The following CDC25A variants were observed in gnomAD, a reference collection of about 807,000 sequenced individuals.
The protein encoded by CDC25A is M-phase inducer phosphatase 1.
CDC25A carries 17 observed loss-of-function variants against 64.6 expected under a neutral mutation model. The ratio of observed to expected loss-of-function variants is 0.26; its 90% CI spans 0.18 to 0.39. The LOEUF (loss-of-function observed/expected upper bound fraction) is 0.39. Ranked by LOEUF, CDC25A falls within the 10% of genes least tolerant of loss-of-function variation. The probability of loss-of-function intolerance (pLI) is 1.00; values close to 1 mark genes in which losing one functional copy is unlikely to be tolerated. For synonymous variants in CDC25A, 229 were observed against 238.6 expected (o/e 0.96, Z 0.37); for missense variants, 473 against 654.8 (o/e 0.72, Z 3.03).
chr3:48,165,437 AAGGTGGT>A (rs1421775934), intron 12 of CDC25A, among the ~76,000 whole-genome samples, 192 bp downstream of exon 12: 5 of 152,012 alleles, frequency 3.3e-5, no homozygotes, highest in Non-Finnish European at 7.4e-5. Flanking sequence ...AACTGTGCAC[AAGGTGGT>A]AGAGAGTATT....
chr3:48,171,781 A>C (rs2032279304), intron 9 of CDC25A, among the ~76,000 whole-genome samples: 1 of 152,196 alleles, frequency 6.6e-6, no homozygotes, highest in South Asian at 2.1e-4. Context: ...TTTAATTAGA[A>C]ATAAAAGGAA....
In CDC25A at chr3:48,158,608, C is replaced by T. The variant is rs898255797; in HGVS notation, c.*337G>A. On this transcript the variant is annotated 3_prime_UTR_variant, in exon 15 of 15. Coordinates refer to ENST00000302506, the MANE Select transcript of CDC25A (RefSeq NM_001789.3). ...TCTGTGTAACTTCTCTACTCCCCTC[C>T]GTCTCCTCTCCCCTCATGAGATGGC... 1.4e-5 allele frequency: 3 copies of T among 214,296 alleles called. No homozygotes were observed. Among genetic ancestry groups the T allele is most frequent in the African/African-American group, 2.3e-5 (1 of 43,972 alleles). The allele number at this position is 214,296 out of a possible 1,614,324, so 13.3% of individuals were successfully genotyped here. A position where few individuals can be genotyped will look rare whatever the true frequency, so the allele number is the denominator to read the frequency against.
chr3:48,170,093 G>A (rs773006481), intron 9 of CDC25A, among the ~76,000 whole-genome samples: 1 of 152,076 alleles, frequency 6.6e-6, no homozygotes, highest in Non-Finnish European at 1.5e-5. Context: ...CAAACTCAAA[G>A]TGATTTTTCT....
rs1157610771 is a variant in CDC25A, at chr3:48,168,049, A to C, written c.931-105T>G. 5 of 649,102 alleles carry C rather than the reference A, an allele frequency of 7.7e-6. No homozygotes were observed. The Admixed American group carries it at 1.3e-4, about 17-fold the overall frequency. 40.2% of individuals were successfully genotyped at this position (649,102 alleles called of 1,614,324 possible). A position where few individuals can be genotyped will look rare whatever the true frequency, so the allele number is the denominator to read the frequency against. ...AGGAGACTAAAATGTTAATGCCTAC[A>C]TTTAGTAAGAAGTTTTTATTTTATT... is the stretch of plus-strand genomic sequence containing the variant. On this transcript the variant is annotated intron_variant, in intron 9 of 14. Transcript: ENST00000302506.
rs751897112 is a variant in CDC25A at position 48,174,396 on chromosome 3, A to G, written c.818T>C (p.Leu273Ser). ...SLCSSSTRSV[L>S]KRPERSQEES... The stretch of plus-strand genomic sequence containing the variant: ...CTCTTGAGATCGTTCTGGTCTCTTC[A>G]ACACTGACCGAGTGCTGGAGCTACA... Residue 273 changes from leucine to serine, a missense_variant, in exon 9 of 15, where the codon TTG (leucine) becomes TCG (serine). Physicochemically the swap from Leu to Ser is moderately radical, Grantham distance 145 (BLOSUM62 -2). Transcript: ENST00000302506. 2.5e-6 allele frequency: 4 copies of G among 1,614,134 alleles called. No homozygotes were observed. In the South Asian group the frequency reaches 3.3e-5, roughly 13 times the overall value.
rs144655393 is a variant in CDC25A at position 48,177,509 on chromosome 3, G to T, written c.685-67C>A. Reference sequence around the variant, plus strand: ...GACTAACATTTGTTTAAGTGCTTTAGGTGTGTTTCTCCCTGAACAATACCA... The same window carrying T: ...GACTAACATTTGTTTAAGTGCTTTATGTGTGTTTCTCCCTGAACAATACCA... On this transcript the variant is annotated intron_variant, in intron 7 of 14. Coordinates refer to ENST00000302506, the MANE Select transcript of CDC25A (RefSeq NM_001789.3). 3 of 1,214,540 alleles carry T rather than the reference G, an allele frequency of 2.5e-6. No individual in the cohort carries two copies. The African/African-American group carries it at 4.5e-5, about 18-fold the overall frequency. 75.2% of individuals were successfully genotyped at this position (1,214,540 alleles called of 1,614,324 possible).
Position 48,187,911 on chromosome 3 carries a change from G to A in CDC25A, c.37C>T (p.Leu13=). 5.2e-6 allele frequency: 8 copies of A among 1,536,916 alleles called. No homozygotes were observed. Among genetic ancestry groups the A allele is most frequent in the Non-Finnish European group, 7.0e-6 (8 of 1,142,756 alleles). ...LGPEPPHRRR[L]LFACSPPPAS... ...GGAGGGGGGCTGCAGGCGAAGAGCA[G>A]GCGGCGGCGGTGCGGGGGCTCCGGG... Residue 13 remains leucine (L), a synonymous_variant, in exon 1 of 15, where the codon CTG becomes TTG. Transcript: ENST00000302506.
intron 5 of CDC25A, chr3:48,181,477 A>C (rs2032665357): frequency 1.3e-6 from 1 of 748,808 alleles, no homozygotes; most frequent in Admixed American, 2.3e-5. Context: ...AATGGCTAGC[A>C]CTGGCGTGGG....
rs1032809325 is a variant in CDC25A at position 48,157,378 on chromosome 3, CCAA to C, written c.*1564_*1566del. On this transcript the variant is annotated 3_prime_UTR_variant, in exon 15 of 15. Transcript: ENST00000302506. ...AGAAGTCCTCTCCCCCACATTTTTC[CCAA>C]CAAGATTGTTTTATAGCCAAATGTA... is the stretch of plus-strand genomic sequence containing the variant. The C allele has an allele frequency of 2.0e-5, 3 of 152,556 alleles. No homozygotes were observed. The highest frequency in any genetic ancestry group is 7.2e-5 in the African/African-American group (3 of 41,438). The allele number at this position is 152,556 out of a possible 1,614,324, so 9.5% of individuals were successfully genotyped here.
At chr3:48,167,781 T>C in intron 10 of CDC25A, 65 bp downstream of exon 10, 4 of 871,462 alleles carry the variant, frequency 4.6e-6, no homozygotes, top group African/African-American at 1.6e-5. Flanking sequence ...GGAGACAGGC[T>C]GAGTGGGATT....
At chr3:48,176,654 A>C (rs963587359) in intron 8 of CDC25A, among the ~76,000 whole-genome samples, 2 of 151,158 alleles carry the variant, frequency 1.3e-5, no homozygotes, top group Non-Finnish European at 2.9e-5. Flanking sequence ...AAAACAAAAC[A>C]AAACAAACAA....
intron 13 of CDC25A, among the ~76,000 whole-genome samples, chr3:48,160,904 C>T (rs544559994): frequency 1.3e-5 from 2 of 151,640 alleles, no homozygotes; most frequent in East Asian, 2.0e-4. Context: ...CCTGTAATTC[C>T]AGCACTTTGG....
chr3:48,169,869 C>T (rs1274905597), intron 9 of CDC25A, among the ~76,000 whole-genome samples: 1 of 151,850 alleles, frequency 6.6e-6, no homozygotes, highest in Non-Finnish European at 1.5e-5. Context: ...ATTAGCCAGG[C>T]GTGGTGGTGG....
At chr3:48,164,886 T>G (rs1353604719) in intron 12 of CDC25A, among the ~76,000 whole-genome samples, 3 of 151,564 alleles carry the variant, frequency 2.0e-5, no homozygotes, top group Admixed American at 6.6e-5. Context: ...GGCGGGCGGT[T>G]TGCCTGAGCT....
At chr3:48,180,960 T>A in intron 5 of CDC25A, 120 bp from the exon 6 acceptor site, 1 of 866,176 alleles carries the variant, frequency 1.2e-6, no homozygotes, top group Non-Finnish European at 1.8e-6. Flanking sequence ...AAGTTTCACC[T>A]AATTCCAACA....
In CDC25A at chr3:48,180,512, T is replaced by C. The variant is rs543561145; in HGVS notation, c.549+209A>G. On this transcript the variant is annotated intron_variant, in intron 6 of 14. Coordinates refer to ENST00000302506, the MANE Select transcript of CDC25A (RefSeq NM_001789.3). ...GATTATTCCTTGCACAACTCCAATA[T>C]TTCAAACACCATCTCCCACTCTTAC... 32 of 486,252 alleles carry C rather than the reference T, an allele frequency of 6.6e-5. 1 individual carries two copies. In the South Asian group the frequency reaches 1.3e-3, roughly 19 times the overall value. The allele number at this position is 486,252 out of a possible 1,614,324, so 30.1% of individuals were successfully genotyped here.
At position 48,185,255 on chromosome 3, in the gene CDC25A, T is replaced by TA. The variant is rs533081526; in HGVS notation, c.248-561dup. Reference sequence around the variant, plus strand: ...TAGTGAGACTTGACTCTACCAAAGTTAAAAAAAAAATTAGTTGGGTGTGGT... The same window carrying TA: ...TAGTGAGACTTGACTCTACCAAAGTTAAAAAAAAAAATTAGTTGGGTGTGGT... On this transcript the variant is annotated intron_variant, in intron 2 of 14. Coordinates refer to ENST00000302506, the MANE Select transcript of CDC25A (RefSeq NM_001789.3). Among the ~76,000 whole-genome samples, 20 of 148,916 alleles carry TA rather than the reference T, an allele frequency of 1.3e-4. No homozygotes were observed. The East Asian group carries it at 2.2e-3, about 16-fold the overall frequency.
chr3:48,175,089 G>A (rs892140197), intron 8 of CDC25A, among the ~76,000 whole-genome samples: 1 of 152,096 alleles, frequency 6.6e-6, no homozygotes, highest in Non-Finnish European at 1.5e-5. Context: ...GAGGTCACAA[G>A]TTCAATAACA....
chr3:48,181,672 G>A (rs1393431486), intron 5 of CDC25A: 1 of 1,076,526 alleles, frequency 9.3e-7, no homozygotes, highest in East Asian at 2.4e-5. Context: ...TCCGGAACAA[G>A]AGCATGTTAT....
Sources: allele counts gnomAD v4.1 joint callset (sites outside exome capture counted in the v4.1 genomes callset), GRCh38; gene constraint gnomAD v4.1.1; transcripts MANE v1.5; gene names NCBI Gene and HGNC (gene_info 2026-07-23, HGNC 2026-07-21).